Variants in ROBO2 observed in about 807,000 individuals in gnomAD.
The protein encoded by ROBO2 is roundabout homolog 2.
In ROBO2, 53 loss-of-function variants were observed where a neutral mutation model predicts 160.8. The observed-to-expected ratio is 0.33, with a 90% CI of 0.26 to 0.41. The LOEUF is 0.41. Among genes scored for constraint, ROBO2 ranks in the 10% least tolerant of loss-of-function variants. ROBO2 has a pLI of 1.00. For missense variants in ROBO2, 1,577 were observed against 1,722.4 expected, an observed-to-expected ratio of 0.92 and a Z score of 1.49; for synonymous variants, 664 against 611.7, an observed-to-expected ratio of 1.09 and a Z score of -1.26.
At chr3:76,956,473 C>A (rs1448175410) in intron 2 of ROBO2, among the ~76,000 whole-genome samples, 1 of 150,204 alleles carries the variant, frequency 6.7e-6, no homozygotes, top group Non-Finnish European at 1.5e-5. Flanking sequence ...AGGAGAATGG[C>A]GTGAATCCAG....
intron 2 of ROBO2, among the ~76,000 whole-genome samples, chr3:76,911,985 A>G (rs1406218174): frequency 6.6e-6 from 1 of 152,184 alleles, no homozygotes; most frequent in Non-Finnish European, 1.5e-5. Flanking sequence ...AAATATTTTA[A>G]TTAATCCCCA....
intron 2 of ROBO2, among the ~76,000 whole-genome samples, chr3:76,231,392 C>G (rs939492584): frequency 6.6e-6 from 1 of 152,174 alleles, no homozygotes; most frequent in East Asian, 1.9e-4. Flanking sequence ...CAGGCTCATT[C>G]TCTTCCTCTG....
intron 2 of ROBO2, among the ~76,000 whole-genome samples, chr3:76,093,351 A>G (rs1393892957): frequency 6.6e-6 from 1 of 151,970 alleles, no homozygotes; most frequent in Non-Finnish European, 1.5e-5. Flanking sequence ...TCTTTGCCAC[A>G]CAAGAAGAGA....
intron 2 of ROBO2, among the ~76,000 whole-genome samples, chr3:76,565,060 C>T (rs1427451058): frequency 6.6e-6 from 1 of 152,128 alleles, no homozygotes; most frequent in South Asian, 2.1e-4. Flanking sequence ...AAGACACCTA[C>T]TTACCCTTTT....
rs80180376 is a variant in ROBO2, at chr3:77,597,756, T to C, written c.2854+1006T>C. Among the ~76,000 whole-genome samples the C allele has an allele frequency of 4.1e-3, 630 of 152,262 alleles. 4 individuals carry two copies. The highest frequency in any genetic ancestry group is 0.015 in the African/African-American group (604 of 41,540). ...GAAAAGAAGTTGCTGTATTTTAAGT[T>C]CCACAAATAAAAGAGACATTGACCT... is the stretch of plus-strand genomic sequence containing the variant. On this transcript the variant is annotated intron_variant, in intron 19 of 25. Coordinates refer to ENST00000461745, the Ensembl canonical transcript of ROBO2.
At chr3:77,245,787 GA>G (rs1249339262) in intron 2 of ROBO2, among the ~76,000 whole-genome samples, 1 of 152,170 alleles carries the variant, frequency 6.6e-6, no homozygotes, top group Non-Finnish European at 1.5e-5. Context: ...GATTACAATG[GA>G]ACCATCATAT....
At chr3:76,758,975 T>C (rs770875958) in intron 2 of ROBO2, among the ~76,000 whole-genome samples, 1 of 151,902 alleles carries the variant, frequency 6.6e-6, no homozygotes, top group African/African-American at 2.4e-5. Flanking sequence ...AGAGTAGATA[T>C]ATTGTTTTAA....
chr3:76,281,805 G>A (rs1708246706), intron 2 of ROBO2, among the ~76,000 whole-genome samples: 1 of 152,000 alleles, frequency 6.6e-6, no homozygotes, highest in African/African-American at 2.4e-5. Flanking sequence ...ATACAATAAA[G>A]AGGGTATGAA....
intron 2 of ROBO2, among the ~76,000 whole-genome samples, chr3:76,417,101 C>T (rs1577059483): frequency 6.6e-6 from 1 of 152,064 alleles, no homozygotes; most frequent in Non-Finnish European, 1.5e-5. Flanking sequence ...TGTTCCTTTA[C>T]GTGGTTATTG....
chr3:77,004,928 G>T lies in ROBO2; in HGVS notation c.110-93086G>T, dbSNP rs1301544198. ...GTCCAAGGAAGAAAATGTGGTCATG[G>T]GTTCTTAGTTTCTGTTTCTGATTGG... On this transcript the variant is annotated intron_variant, in intron 2 of 26. Coordinates refer to the ROBO2 transcript ENST00000487694. Among the ~76,000 whole-genome samples, 13 of 152,018 alleles carry T rather than the reference G, an allele frequency of 8.6e-5. No homozygotes were observed. In the Middle Eastern group the frequency reaches 0.01, roughly 119 times the overall value.
At chr3:77,620,828 T>C (rs1411312515) in intron 22 of ROBO2, among the ~76,000 whole-genome samples, 2 of 152,234 alleles carry the variant, frequency 1.3e-5, no homozygotes. Flanking sequence ...ATGTCTTTCA[T>C]TCACCAGCCA....
intron 2 of ROBO2, among the ~76,000 whole-genome samples, chr3:76,314,328 A>T (rs1006047900): frequency 6.6e-6 from 1 of 152,174 alleles, no homozygotes; most frequent in Non-Finnish European, 1.5e-5. Flanking sequence ...CTTCACCATG[A>T]AAAAGTCTAA....
chr3:77,464,269 CT>C (rs1350819757), intron 2 of ROBO2, among the ~76,000 whole-genome samples: 13 of 152,192 alleles, frequency 8.5e-5, no homozygotes, highest in Non-Finnish European at 1.3e-4. Context: ...TACCACAGTG[CT>C]GTGTTGCCTT....
intron 2 of ROBO2, among the ~76,000 whole-genome samples, chr3:77,281,205 T>G (rs1466237613): frequency 6.6e-6 from 1 of 152,226 alleles, no homozygotes; most frequent in Non-Finnish European, 1.5e-5. Flanking sequence ...CCTATAAACA[T>G]GTATGGACAG....
At chr3:77,381,801 G>A (rs1289540674) in intron 2 of ROBO2, among the ~76,000 whole-genome samples, 1 of 152,102 alleles carries the variant, frequency 6.6e-6, no homozygotes, top group East Asian at 1.9e-4. Context: ...CTTTACTTTT[G>A]CTACTATTTT....
chr3:76,650,479 C>A (rs2109869331), intron 2 of ROBO2, among the ~76,000 whole-genome samples: 1 of 91,004 alleles, frequency 1.1e-5, no homozygotes, highest in Non-Finnish European at 2.3e-5. Flanking sequence ...TTCCTTCTTT[C>A]TCTTTTTTTT....
intron 2 of ROBO2, among the ~76,000 whole-genome samples, chr3:77,286,731 C>T (rs1448167298): frequency 3.3e-5 from 5 of 152,158 alleles, no homozygotes. Context: ...GAGGCTTTCC[C>T]TTATCCTTCA....
At chr3:76,291,375 G>A (rs2107704067) in intron 2 of ROBO2, among the ~76,000 whole-genome samples, 1 of 152,064 alleles carries the variant, frequency 6.6e-6, no homozygotes, top group South Asian at 2.1e-4. Flanking sequence ...ATATTTCTGT[G>A]GAGTCACCGG....
intron 2 of ROBO2, among the ~76,000 whole-genome samples, chr3:75,971,828 A>G (rs1438208673): frequency 2.6e-5 from 4 of 151,530 alleles, no homozygotes; most frequent in African/African-American, 4.8e-5. Flanking sequence ...GGGTTGCTAC[A>G]AATTCAAAAA....
Sources: allele counts gnomAD v4.1 joint callset (sites outside exome capture counted in the v4.1 genomes callset), GRCh38; gene constraint gnomAD v4.1.1; transcripts MANE v1.5; gene names NCBI Gene and HGNC (gene_info 2026-07-23, HGNC 2026-07-21).